Variants in NRXN3 observed in about 807,000 individuals in gnomAD.
The protein encoded by NRXN3 is neurexin 3, also known as neurexin III.
NRXN3 carries 32 observed loss-of-function variants against 137.6 expected under a neutral mutation model. The ratio of observed to expected loss-of-function variants is 0.23; its 90% CI spans 0.18 to 0.31. The LOEUF is 0.31. NRXN3 is among the 10% of genes least tolerant of loss of function. NRXN3 has a pLI of 1.00. For missense variants in NRXN3, 1,574 were observed against 2,062.5 expected (o/e 0.76, Z 4.59); for synonymous variants, 798 against 784.5 (o/e 1.02, Z -0.29).
At chr14:79,238,403 T>C (rs1197788736) in intron 15 of NRXN3, among the ~76,000 whole-genome samples, 3 of 152,114 alleles carry the variant, frequency 2.0e-5, no homozygotes, top group African/African-American at 7.2e-5. Flanking sequence ...ATGTAGGATG[T>C]GAGGCACTTG....
intron 4 of NRXN3, among the ~76,000 whole-genome samples, chr14:78,419,957 G>GCA (rs1555518579): frequency 4.2e-5 from 2 of 48,058 alleles, no homozygotes; most frequent in African/African-American, 1.8e-4. Context: ...GCGCGCGCGC[G>GCA]CACGCACACA....
At chr14:78,337,499 A>ATT (rs2081614072) in intron 4 of NRXN3, among the ~76,000 whole-genome samples, 1 of 152,078 alleles carries the variant, frequency 6.6e-6, no homozygotes, top group Non-Finnish European at 1.5e-5. Context: ...AGCTTTGGGG[A>ATT]TGATAAAGTA....
At chr14:79,772,466 A>C (rs1011522163) in intron 19 of NRXN3, among the ~76,000 whole-genome samples, 1 of 152,120 alleles carries the variant, frequency 6.6e-6, no homozygotes, top group Non-Finnish European at 1.5e-5. Context: ...CCTCAGAAAT[A>C]ATGCCGCATA....
chr14:78,602,539 G>A (rs1331189077), intron 4 of NRXN3: 2 of 152,140 alleles, frequency 1.3e-5, no homozygotes, highest in African/African-American at 2.4e-5. Flanking sequence ...GGTCAGTGTA[G>A]CTTTAGTTGA....
chr14:79,238,395 G>A (rs2153328923), intron 15 of NRXN3, among the ~76,000 whole-genome samples: 1 of 152,158 alleles, frequency 6.6e-6, no homozygotes, highest in East Asian at 1.9e-4. Context: ...ATTCTCCCAT[G>A]TAGGATGTGA....
rs563423047 is a variant in NRXN3 at position 78,855,472 on chromosome 14, T to TG, written c.2275+45129dup. Reference sequence around the variant, plus strand: ...GAATAAAACCTGTAATCCCAATGCCTGTTCTATGTGTTATACCTGTGTTTT... The same window carrying TG: ...GAATAAAACCTGTAATCCCAATGCCTGGTTCTATGTGTTATACCTGTGTTTT... On this transcript the variant is annotated intron_variant, in intron 10 of 20. Transcript: ENST00000335750. Among the ~76,000 whole-genome samples, 12 of 152,310 alleles carry TG rather than the reference T, an allele frequency of 7.9e-5. No individual in the cohort carries two copies. In the East Asian group the frequency reaches 2.3e-3, roughly 29 times the overall value.
chr14:78,597,884 C>G (rs2097170857), intron 4 of NRXN3, among the ~76,000 whole-genome samples: 1 of 152,178 alleles, frequency 6.6e-6, no homozygotes, highest in African/African-American at 2.4e-5. Context: ...TAGTTGATCC[C>G]TCTTGGCATA....
At chr14:79,350,744 A>G (rs1015678972) in intron 15 of NRXN3, among the ~76,000 whole-genome samples, 2 of 152,124 alleles carry the variant, frequency 1.3e-5, no homozygotes, top group Non-Finnish European at 2.9e-5. Context: ...TCTCTGAGCT[A>G]CATGGTTAGG....
intron 8 of NRXN3, among the ~76,000 whole-genome samples, chr14:78,765,353 A>G (rs1417269410): frequency 6.6e-6 from 1 of 152,064 alleles, no homozygotes. Flanking sequence ...GGGTTTCTCC[A>G]TGTTGGTCAG....
chr14:78,585,138 A>AG (rs1299243345), intron 4 of NRXN3, among the ~76,000 whole-genome samples: 3 of 121,312 alleles, frequency 2.5e-5, no homozygotes, highest in African/African-American at 1.0e-4. Flanking sequence ...TAGGGGAGAT[A>AG]AGGGGGGGGG....
chr14:79,689,226 A>C (rs1488564848), intron 17 of NRXN3, among the ~76,000 whole-genome samples: 1 of 152,100 alleles, frequency 6.6e-6, no homozygotes, highest in East Asian at 1.9e-4. Flanking sequence ...ATATGACTGA[A>C]TATCATTAAA....
intron 16 of NRXN3, among the ~76,000 whole-genome samples, chr14:79,540,369 C>T (rs1407510693): frequency 7.2e-6 from 1 of 138,210 alleles, no homozygotes; most frequent in Non-Finnish European, 1.6e-5. Context: ...ATGTAAAAAT[C>T]AAACCAGTGT....
chr14:79,292,717 T>A (rs1179632113), intron 15 of NRXN3, among the ~76,000 whole-genome samples: 1 of 152,210 alleles, frequency 6.6e-6, no homozygotes, highest in Non-Finnish European at 1.5e-5. Context: ...GGGCAGTGGG[T>A]TTCCAACTTG....
At chr14:79,440,872 A>T (rs1310762674) in intron 15 of NRXN3, among the ~76,000 whole-genome samples, 1 of 152,184 alleles carries the variant, frequency 6.6e-6, no homozygotes, top group African/African-American at 2.4e-5. Context: ...CTAGTTCTTT[A>T]TTAATAGATA....
At chr14:78,680,193 C>G (rs1221876331) in intron 6 of NRXN3, among the ~76,000 whole-genome samples, 1 of 151,852 alleles carries the variant, frequency 6.6e-6, no homozygotes, top group Non-Finnish European at 1.5e-5. Flanking sequence ...AACACATGGA[C>G]ACATAGAAGG....
intron 4 of NRXN3, among the ~76,000 whole-genome samples, chr14:78,453,637 A>G (rs2094603776): frequency 6.6e-6 from 1 of 152,232 alleles, no homozygotes; most frequent in Non-Finnish European, 1.5e-5. Flanking sequence ...TTGAAATTCT[A>G]ACTCCCAGAA....
intron 2 of NRXN3, among the ~76,000 whole-genome samples, chr14:78,245,988 C>T (rs2067616421): frequency 6.6e-6 from 1 of 152,196 alleles, no homozygotes; most frequent in Non-Finnish European, 1.5e-5. Flanking sequence ...AGCTTCTTGG[C>T]TTTGGAGAAA....
At chr14:79,257,136 G>A (rs1410151298) in intron 15 of NRXN3, among the ~76,000 whole-genome samples, 1 of 152,092 alleles carries the variant, frequency 6.6e-6, no homozygotes, top group African/African-American at 2.4e-5. Context: ...GCAAATAAGA[G>A]TGTATTGCTT....
rs185574733 is a variant in NRXN3 at position 79,512,099 on chromosome 14, A to G, written c.3444+44697A>G. ...TTTTTAGTAGAGATGGGGTTTCACC[A>G]TGTTGGTCAGGCTGATCTTGAACTC... On this transcript the variant is annotated intron_variant, in intron 16 of 20. Transcript: ENST00000335750. Among the ~76,000 whole-genome samples, 67 of 152,252 alleles carry G rather than the reference A, an allele frequency of 4.4e-4. No individual in the cohort carries two copies. In the South Asian group the frequency reaches 5.4e-3, roughly 12 times the overall value.
Sources: allele counts gnomAD v4.1 joint callset (sites outside exome capture counted in the v4.1 genomes callset), GRCh38; gene constraint gnomAD v4.1.1; transcripts MANE v1.5; gene names NCBI Gene and HGNC (gene_info 2026-07-23, HGNC 2026-07-21).